The following TNKS variants were observed in gnomAD, a reference collection of about 807,000 sequenced individuals.
TNKS encodes the protein tankyrase.
In TNKS, 72 loss-of-function variants were observed where a neutral mutation model predicts 135.8. The ratio of observed to expected loss-of-function variants is 0.53; its 90% CI spans 0.44 to 0.64. The LOEUF (loss-of-function observed/expected upper bound fraction) is 0.64. Ranked by LOEUF, TNKS falls within the 30% of genes least tolerant of loss-of-function variation. The pLI is 0.00. For synonymous variants in TNKS, 849 were observed against 649.3 expected (o/e 1.31, Z -4.68); for missense variants, 1,769 against 1,674.0 (o/e 1.06, Z -0.99).
At chr8:9,776,220 C>T (rs565725807) in intron 26 of TNKS, among the ~76,000 whole-genome samples, 4 of 152,318 alleles carry the variant, frequency 2.6e-5, no homozygotes, top group Non-Finnish European at 5.9e-5. Context: ...CCTTCTAGCT[C>T]AGTGGGTTAC....
chr8:9,731,785 A>ATTTTG (rs941934197), intron 14 of TNKS, among the ~76,000 whole-genome samples: 1 of 151,934 alleles, frequency 6.6e-6, no homozygotes, highest in Non-Finnish European at 1.5e-5. Flanking sequence ...CATTATATGA[A>ATTTTG]TTTTGTTTTG....
At chr8:9,718,023 T>TACG (rs1554476924) in intron 11 of TNKS, among the ~76,000 whole-genome samples, 1 of 151,676 alleles carries the variant, frequency 6.6e-6, no homozygotes, top group Non-Finnish European at 1.5e-5. Context: ...TGTCAGAAGT[T>TACG]ATTAGTTAGT....
At chr8:9,697,514 A>G (rs1296695511) in intron 5 of TNKS, among the ~76,000 whole-genome samples, 1 of 152,194 alleles carries the variant, frequency 6.6e-6, no homozygotes, top group Non-Finnish European at 1.5e-5. Context: ...TAGACAATCT[A>G]CAGAATGGGA....
intron 2 of TNKS, among the ~76,000 whole-genome samples, chr8:9,589,950 T>C (rs1798530912): frequency 6.6e-6 from 1 of 152,216 alleles, no homozygotes; most frequent in African/African-American, 2.4e-5. Flanking sequence ...CCTCTGTTCA[T>C]GTGCATGCTC....
intron 12 of TNKS, among the ~76,000 whole-genome samples, chr8:9,722,032 G>A (rs1804910248): frequency 6.7e-6 from 1 of 149,092 alleles, no homozygotes; most frequent in South Asian, 2.2e-4. Flanking sequence ...CATCCAGCCT[G>A]GGTGACAGAG....
intron 12 of TNKS, 135 bp from the exon 13 acceptor site, chr8:9,726,506 T>C: frequency 6.6e-6 from 4 of 608,380 alleles, no homozygotes; most frequent in Non-Finnish European, 5.5e-6. Flanking sequence ...CAACATTTAG[T>C]AAAACCAAAC....
chr8:9,763,319 C>T (rs772516351), intron 22 of TNKS, 75 bp downstream of exon 22: 24 of 984,404 alleles, frequency 2.4e-5, no homozygotes, highest in Admixed American at 6.2e-5. Context: ...GAATTAACCT[C>T]GTCTTACATT....
At chr8:9,747,624 T>C (rs1013812320) in intron 17 of TNKS, among the ~76,000 whole-genome samples, 13 of 152,220 alleles carry the variant, frequency 8.5e-5, no homozygotes, top group Non-Finnish European at 1.5e-4. Context: ...TCAATGTGAA[T>C]AGAATGCATA....
intron 17 of TNKS, 31 bp from the exon 18 acceptor site, chr8:9,747,993 T>G (rs747137811): frequency 1.9e-6 from 3 of 1,576,942 alleles, no homozygotes; most frequent in Non-Finnish European, 2.6e-6. Flanking sequence ...ATCTCATTCT[T>G]AACTCTTTGT....
chr8:9,641,647 A>AT lies in TNKS; in HGVS notation c.994+25980dup, dbSNP rs368917104. Among the ~76,000 whole-genome samples, 68 of 141,184 alleles carry AT rather than the reference A, an allele frequency of 4.8e-4. 4 individuals carry two copies. The highest frequency in any genetic ancestry group is 7.1e-4 in the African/African-American group (27 of 38,220). 92.6% of individuals were successfully genotyped at this position (141,184 alleles called of 152,430 possible). ...CAGAAAAACATTTTTCTGAGAATGT[A>AT]TTTTTTTTTTATGTGTGTGTGTTAG... On this transcript the variant is annotated intron_variant, in intron 3 of 26. Transcript: ENST00000310430.
chr8:9,693,519 G>C (rs1005583289), intron 5 of TNKS, among the ~76,000 whole-genome samples: 1 of 152,152 alleles, frequency 6.6e-6, no homozygotes. Context: ...AATTTTTAGA[G>C]GGAATGTGGT....
At chr8:9,648,025 T>C (rs928427503) in intron 3 of TNKS, among the ~76,000 whole-genome samples, 1 of 152,038 alleles carries the variant, frequency 6.6e-6, no homozygotes, top group Non-Finnish European at 1.5e-5. Flanking sequence ...AGTAAAAATA[T>C]GGTATAAAAT....
At chr8:9,664,353 T>G (rs1385892405) in intron 3 of TNKS, among the ~76,000 whole-genome samples, 2 of 151,914 alleles carry the variant, frequency 1.3e-5, no homozygotes, top group Non-Finnish European at 2.9e-5. Flanking sequence ...ACTAATAGAG[T>G]GAGAACTCAC....
chr8:9,781,865 T>A lies in TNKS; in HGVS notation c.*5129T>A, dbSNP rs926859743. On this transcript the variant is annotated 3_prime_UTR_variant, in exon 27 of 27. Transcript: ENST00000310430. Reference sequence around the variant, plus strand: ...AACAGTGGCAGGGGTTACAACCCCCTCTCCTTTCTTTTTTGTATTTATCTA... The same window carrying A: ...AACAGTGGCAGGGGTTACAACCCCCACTCCTTTCTTTTTTGTATTTATCTA... The A allele has an allele frequency of 6.6e-6, 1 of 152,630 alleles. No homozygotes were observed. Among genetic ancestry groups the A allele is most frequent in the African/African-American group, 2.4e-5 (1 of 41,456 alleles). The allele number at this position is 152,630 out of a possible 1,614,324, so 9.5% of individuals were successfully genotyped here.
intron 2 of TNKS, among the ~76,000 whole-genome samples, chr8:9,592,112 G>T (rs1798611447): frequency 6.6e-6 from 1 of 152,190 alleles, no homozygotes; most frequent in Non-Finnish European, 1.5e-5. Flanking sequence ...AATATGCACA[G>T]TTATTTCTGA....
At chr8:9,578,845 C>A (rs917987461) in intron 1 of TNKS, among the ~76,000 whole-genome samples, 4 of 152,280 alleles carry the variant, frequency 2.6e-5, no homozygotes, top group African/African-American at 9.6e-5. Context: ...AATTAAGATT[C>A]TAGCTTGTGA....
intron 1 of TNKS, among the ~76,000 whole-genome samples, chr8:9,566,689 A>C (rs1197270418): frequency 6.8e-6 from 1 of 147,592 alleles, no homozygotes; most frequent in African/African-American, 2.5e-5. Context: ...GCTCACTGCA[A>C]GCTCCGCCTC....
At chr8:9,572,095 T>C (rs936204585) in intron 1 of TNKS, among the ~76,000 whole-genome samples, 7 of 152,202 alleles carry the variant, frequency 4.6e-5, no homozygotes, top group Admixed American at 4.6e-4. Flanking sequence ...TCATGATATA[T>C]AGACATAAGC....
intron 14 of TNKS, 23 bp downstream of exon 14, chr8:9,731,058 T>G: frequency 1.9e-6 from 3 of 1,553,212 alleles, no homozygotes; most frequent in South Asian, 1.2e-5. Context: ...AGTTAGCTGT[T>G]TGGGAGTCAT....
Sources: allele counts gnomAD v4.1 joint callset (sites outside exome capture counted in the v4.1 genomes callset), GRCh38; gene constraint gnomAD v4.1.1; transcripts MANE v1.5; gene names NCBI Gene and HGNC (gene_info 2026-07-23, HGNC 2026-07-21).